PSG4: variants seen among roughly 807,000 people sequenced by gnomAD.
PSG4 encodes the protein pregnancy specific beta-1-glycoprotein 4, also known as pregnancy-specific beta-1-glycoprotein 4.
Under a neutral mutation model 44.3 loss-of-function variants are expected in PSG4, and 61 were observed. The observed-to-expected ratio is 1.38, with a 90% CI of 1.12 to 1.70. The LOEUF is 1.70. PSG4 is among the 40% of genes most tolerant of loss of function. PSG4 has a pLI of 0.00. For missense variants in PSG4, 677 were observed against 511.7 expected, an observed-to-expected ratio of 1.32 and a Z score of -3.12; for synonymous variants, 248 against 191.3, an observed-to-expected ratio of 1.30 and a Z score of -2.45.
chr19:43,199,480 T>TA lies in PSG4; in HGVS notation c.431-1206dup, dbSNP rs1428831539. Among the ~76,000 whole-genome samples the TA allele has an allele frequency of 5.5e-5, 8 of 145,704 alleles. 1 individual carries two copies. Among genetic ancestry groups the TA allele is most frequent in the Admixed American group, 3.4e-4 (5 of 14,676 alleles). ...AAGTGTTTTCGATTTCTAATTTTTT[T>TA]ATTTTGGAATATTTGCAGTACATGT... On this transcript the variant is annotated intron_variant, in intron 2 of 5. Coordinates refer to ENST00000405312, the MANE Select transcript of PSG4 (RefSeq NM_002780.5).
At position 43,193,692 on chromosome 19, in the gene PSG4, G is replaced by C. The variant is rs1044002117; in HGVS notation, c.1244-304C>G. ...AACTTTTACAAAACCCTTGAGAATA[G>C]GAAGCCAAACCAAGGCTGACTTCAG... On this transcript the variant is annotated intron_variant, in intron 5 of 5. Transcript: ENST00000405312. The C allele has an allele frequency of 3.1e-5, 17 of 544,986 alleles. 1 individual carries two copies. The Admixed American group carries it at 5.5e-4, about 18-fold the overall frequency. The allele number at this position is 544,986 out of a possible 1,614,324, so 33.8% of individuals were successfully genotyped here. A position where few individuals can be genotyped will look rare whatever the true frequency, so the allele number is the denominator to read the frequency against.
Position 43,192,956 on chromosome 19 carries a change from A to C in PSG4, c.*416T>G. 1 of 454,224 alleles carries C rather than the reference A, an allele frequency of 2.2e-6. No homozygotes were observed. Among genetic ancestry groups the C allele is most frequent in the Non-Finnish European group, 3.9e-6 (1 of 253,380 alleles). The allele number at this position is 454,224 out of a possible 1,614,324, so 28.1% of individuals were successfully genotyped here. On this transcript the variant is annotated 3_prime_UTR_variant, in exon 6 of 6. Transcript: ENST00000405312. ...CCACATTTCCCCTGAGATGTTACGT[A>C]AAAGTTTGAGGTTGAGATGACATAT...
At chr19:43,195,655 T>A (rs1298788955) in intron 3 of PSG4, among the ~76,000 whole-genome samples, 2 of 151,320 alleles carry the variant, frequency 1.3e-5, no homozygotes, top group Admixed American at 1.3e-4. Context: ...TCCATCCTCC[T>A]TTGCCCCCCT....
chr19:43,203,750 A>T, intron 2 of PSG4, 136 bp downstream of exon 2: 2 of 1,429,830 alleles, frequency 1.4e-6, no homozygotes, highest in Non-Finnish European at 1.9e-6. Context: ...TGTGTCCTGC[A>T]CTAAATGCCC....
At chr19:43,194,687 A>T (rs926456362) in intron 4 of PSG4, 93 bp from the exon 5 acceptor site, 2 of 1,515,514 alleles carry the variant, frequency 1.3e-6, no homozygotes, top group Non-Finnish European at 1.8e-6. Context: ...CTCTAAGCCA[A>T]GACACACCTT....
At chr19:43,201,900 T>C (rs1967529453) in intron 2 of PSG4, among the ~76,000 whole-genome samples, 1 of 144,466 alleles carries the variant, frequency 6.9e-6, no homozygotes, top group Non-Finnish European at 1.5e-5. Flanking sequence ...TGCCTATCCC[T>C]GTCCCATTGT....
At position 43,203,921 on chromosome 19, in the gene PSG4, C is replaced by G. The variant is rs770858732; in HGVS notation, c.395G>C (p.Gly132Ala). 4 of 1,584,866 alleles carry G rather than the reference C, an allele frequency of 2.5e-6. 1 individual carries two copies. Among genetic ancestry groups the G allele is most frequent in the Non-Finnish European group, 3.4e-6 (4 of 1,170,524 alleles). Reference protein sequence around the residue: ...LHIIKRRDGTGGVTGHFTFTL... With the variant: ...LHIIKRRDGTAGVTGHFTFTL... ...GAAGGTGAAATGTCCAGTTACTCCT[C>G]CAGTCCCATCGCGTCGCTTTATGAT... is the stretch of plus-strand genomic sequence containing the variant. Residue 132 changes from glycine (G) to alanine (A), a missense_variant, in exon 2 of 6, where the codon GGA becomes GCA. By Grantham distance (60) the Gly-to-Ala change is moderately conservative. Coordinates refer to ENST00000405312, the MANE Select transcript of PSG4 (RefSeq NM_002780.5).
At position 43,195,065 on chromosome 19, in the gene PSG4, T is replaced by C. The variant is rs1427529086; in HGVS notation, c.918A>G (p.Gly306=). 8.1e-6 allele frequency: 13 copies of C among 1,611,608 alleles called. No individual in the cohort carries two copies. Among genetic ancestry groups the C allele is most frequent in the Non-Finnish European group, 1.0e-5 (12 of 1,179,060 alleles). ...GGTCCCGTATTTCACATTGATAAGG[T>C]CCTGTTTCATTTCTCGTGACATTGG... is the stretch of plus-strand genomic sequence containing the variant. ...ILPNVTRNET[G]PYQCEIRDRY... Residue 306 remains glycine (G), a synonymous_variant, in exon 4 of 6, where the codon GGA becomes GGG. Coordinates refer to ENST00000405312, the MANE Select transcript of PSG4 (RefSeq NM_002780.5).
chr19:43,200,919 C>A (rs986368798), intron 2 of PSG4, among the ~76,000 whole-genome samples: 3 of 145,866 alleles, frequency 2.1e-5, no homozygotes, highest in Admixed American at 6.8e-5. Flanking sequence ...AGTGTTAGAA[C>A]GGAGTCACAA....
chr19:43,198,232 G>C lies in PSG4; in HGVS notation c.474C>G (p.Pro158=). 1 of 1,587,380 alleles carries C rather than the reference G, an allele frequency of 6.3e-7. No homozygotes were observed. Residue 158 remains proline (P), a synonymous_variant, in exon 3 of 6, where the codon CCC becomes CCG. Transcript: ENST00000405312. ...KPSISSSNLN[P]REAMEAVILT... is the part of the protein sequence containing the mutation. ...AGATCACAGCCTCCATGGCCTCCCT[G>C]GGATTTAAGTTGCTGCTGGAGATGG...
chr19:43,193,800 A>T (rs955212593), intron 5 of PSG4: 2 of 540,686 alleles, frequency 3.7e-6, no homozygotes, highest in African/African-American at 3.9e-5. Flanking sequence ...AATATAACCA[A>T]TGATTTGAAA....
At chr19:43,194,176 T>A in intron 5 of PSG4, 164 bp downstream of exon 5, 1 of 1,527,624 alleles carries the variant, frequency 6.5e-7, no homozygotes, top group Non-Finnish European at 8.8e-7. Flanking sequence ...TGTTAAAGTT[T>A]TGGAAGTTCT....
Position 43,195,538 on chromosome 19 carries a change from G to C in PSG4, c.710-265C>G, listed in dbSNP as rs928838052. The stretch of plus-strand genomic sequence containing the variant: ...GGGTCATGGACAGACATATCAGTGG[G>C]AGTCACAGCCCCTTGTACCCCTCCC... On this transcript the variant is annotated intron_variant, in intron 3 of 5. Coordinates refer to ENST00000405312, the MANE Select transcript of PSG4 (RefSeq NM_002780.5). Among the ~76,000 whole-genome samples the C allele has an allele frequency of 3.3e-5, 5 of 151,340 alleles. 1 individual carries two copies. Among genetic ancestry groups the C allele is most frequent in the African/African-American group, 1.2e-4 (5 of 41,044 alleles).
rs748336956 is a variant in PSG4 at position 43,194,425 on chromosome 19, T to C, written c.1158A>G (p.Thr386=). 1 of 1,612,364 alleles carries C rather than the reference T, an allele frequency of 6.2e-7. No individual in the cohort carries two copies. The highest frequency in any genetic ancestry group is 8.5e-7 in the Non-Finnish European group (1 of 1,179,072). ...AGCAAGCATAGAGCCCACTATGCTT[T>C]GTAGTTATTTGGGGGATAGAGAGCT... is the stretch of plus-strand genomic sequence containing the variant. The part of the protein sequence containing the change: ...GQKLSIPQIT[T]KHSGLYACSV... The change falls in exon 5 of 6, where the codon ACA becomes ACG. Residue 386 remains threonine (T), a synonymous_variant. Transcript: ENST00000405312.
At position 43,193,239 on chromosome 19, in the gene PSG4, G is replaced by A; in HGVS notation, c.*133C>T. The A allele has an allele frequency of 1.3e-6, 1 of 765,096 alleles. No homozygotes were observed. The highest frequency in any genetic ancestry group is 1.7e-5 in the Admixed American group (1 of 58,898). The allele number at this position is 765,096 out of a possible 1,614,324, so 47.4% of individuals were successfully genotyped here. On this transcript the variant is annotated 3_prime_UTR_variant, in exon 6 of 6. Coordinates refer to ENST00000405312, the MANE Select transcript of PSG4 (RefSeq NM_002780.5). ...TTGGTGAGTTCTGAGTGGCTCACAT[G>A]TCAGGTACAAGGGTTTTCCCATGAA...
chr19:43,194,348 T>G lies in PSG4; in HGVS notation c.1235A>C (p.Lys412Thr). The G allele has an allele frequency of 6.2e-7, 1 of 1,612,296 alleles. No individual in the cohort carries two copies. Among genetic ancestry groups the G allele is most frequent in the Non-Finnish European group, 8.5e-7 (1 of 1,179,076 alleles). ...GKESSKSITV[K>T]VSDWILP is the part of the protein sequence containing the mutation. Reference sequence around the variant, plus strand: ...TGCTGGGATCCACTTACCAGAGACTTTGACTGTGATGGATTTGGAGCTTTC... The same window carrying G: ...TGCTGGGATCCACTTACCAGAGACTGTGACTGTGATGGATTTGGAGCTTTC... The change falls in exon 5 of 6, where the codon AAA becomes ACA. Residue 412 changes from lysine to threonine, a missense_variant. Lys to Thr is a moderately conservative substitution (Grantham distance 78). Coordinates refer to ENST00000405312, the MANE Select transcript of PSG4 (RefSeq NM_002780.5).
At chr19:43,201,209 G>A (rs1241689014) in intron 2 of PSG4, among the ~76,000 whole-genome samples, 3 of 145,620 alleles carry the variant, frequency 2.1e-5, no homozygotes, top group Admixed American at 6.8e-5. Flanking sequence ...GGCTAACCTT[G>A]GGAGGAATTT....
intron 2 of PSG4, among the ~76,000 whole-genome samples, chr19:43,201,293 G>A (rs1327473419): frequency 1.4e-5 from 2 of 145,484 alleles, no homozygotes; most frequent in Non-Finnish European, 3.0e-5. Flanking sequence ...TTTGCCCAGG[G>A]ACGGCCTTTG....
At chr19:43,200,360 G>A (rs2122340683) in intron 2 of PSG4, among the ~76,000 whole-genome samples, 1 of 120,504 alleles carries the variant, frequency 8.3e-6, no homozygotes, top group Non-Finnish European at 1.7e-5. Context: ...TACAGCCTTT[G>A]TAGTTGTCCC....
Sources: allele counts gnomAD v4.1 joint callset (sites outside exome capture counted in the v4.1 genomes callset), GRCh38; gene constraint gnomAD v4.1.1; transcripts MANE v1.5; gene names NCBI Gene and HGNC (gene_info 2026-07-23, HGNC 2026-07-21).